SNTG1: variants seen among roughly 807,000 people sequenced by gnomAD.
SNTG1 encodes syntrophin gamma 1.
Under a neutral mutation model 74.7 loss-of-function variants are expected in SNTG1, and 39 were observed. That is an observed-to-expected ratio of 0.52 (90% confidence interval 0.40 to 0.68). The LOEUF (loss-of-function observed/expected upper bound fraction) is 0.68, where lower values mean the gene tolerates loss of function less well. Ranked by LOEUF, SNTG1 falls within the 30% of genes least tolerant of loss-of-function variation. The pLI, the probability that SNTG1 is intolerant of heterozygous loss-of-function variation, is 0.00. For missense variants in SNTG1, 685 were observed against 609.5 expected (o/e 1.12, Z -1.30); for synonymous variants, 254 against 217.1 (o/e 1.17, Z -1.49).
At chr8:50,314,630 AT>A (rs2090245047) in intron 2 of SNTG1, among the ~76,000 whole-genome samples, 2 of 149,756 alleles carry the variant, frequency 1.3e-5, no homozygotes, top group South Asian at 4.4e-4. Flanking sequence ...ACTTTTTGCT[AT>A]TTCCTGAAAG....
At chr8:50,233,358 G>T (rs2085729696) in intron 2 of SNTG1, among the ~76,000 whole-genome samples, 1 of 151,242 alleles carries the variant, frequency 6.6e-6, no homozygotes, top group South Asian at 2.1e-4. Flanking sequence ...GATATCAACA[G>T]GTAAAAGTAA....
At chr8:50,051,906 G>C (rs1267928012) in intron 1 of SNTG1, among the ~76,000 whole-genome samples, 1 of 151,958 alleles carries the variant, frequency 6.6e-6, no homozygotes, top group East Asian at 1.9e-4. Context: ...AGATACTTTT[G>C]AACAAAATTA....
chr8:50,455,532 T>C (rs2093497143), intron 8 of SNTG1, among the ~76,000 whole-genome samples: 1 of 152,192 alleles, frequency 6.6e-6, no homozygotes, highest in Non-Finnish European at 1.5e-5. Flanking sequence ...GACACCTTCA[T>C]ACAGTGAAAA....
intron 1 of SNTG1, among the ~76,000 whole-genome samples, chr8:50,053,372 G>A (rs1219694487): frequency 6.6e-6 from 1 of 152,000 alleles, no homozygotes; most frequent in African/African-American, 2.4e-5. Flanking sequence ...TATATGTAAT[G>A]TCCAGAATAA....
intron 1 of SNTG1, among the ~76,000 whole-genome samples, chr8:49,953,288 C>T (rs2129394360): frequency 6.6e-6 from 1 of 152,334 alleles, no homozygotes; most frequent in South Asian, 2.1e-4. Flanking sequence ...AGTAGACCAA[C>T]TCACAGAACT....
chr8:50,275,373 CT>C (rs2130347476), intron 2 of SNTG1, among the ~76,000 whole-genome samples: 2 of 152,024 alleles, frequency 1.3e-5, no homozygotes, highest in South Asian at 4.2e-4. Flanking sequence ...AAATCTTTGT[CT>C]TTTTTCTGCC....
At chr8:50,285,531 C>T (rs908151420) in intron 2 of SNTG1, among the ~76,000 whole-genome samples, 1 of 152,100 alleles carries the variant, frequency 6.6e-6, no homozygotes, top group Non-Finnish European at 1.5e-5. Context: ...TATCTTCTTT[C>T]TTAGGAAATA....
intron 1 of SNTG1, among the ~76,000 whole-genome samples, chr8:49,969,052 G>A (rs892818027): frequency 2.6e-5 from 4 of 152,182 alleles, no homozygotes; most frequent in African/African-American, 9.6e-5. Flanking sequence ...GGGAATTAGT[G>A]TGTAAAATGA....
chr8:50,492,071 T>A (rs1167252336), intron 8 of SNTG1, among the ~76,000 whole-genome samples: 1 of 152,190 alleles, frequency 6.6e-6, no homozygotes, highest in East Asian at 1.9e-4. Context: ...GAACTCATCC[T>A]TTTTTATGAC....
intron 1 of SNTG1, among the ~76,000 whole-genome samples, chr8:49,961,055 C>T (rs1810638008): frequency 6.6e-6 from 1 of 152,136 alleles, no homozygotes; most frequent in Non-Finnish European, 1.5e-5. Context: ...ATCCTAGATG[C>T]TGGCTTGGGC....
chr8:50,012,061 A>G (rs2130580698), intron 1 of SNTG1, among the ~76,000 whole-genome samples: 1 of 152,314 alleles, frequency 6.6e-6, no homozygotes, highest in South Asian at 2.1e-4. Context: ...GCCACATTAA[A>G]TATGTCTGTG....
At chr8:50,193,132 G>A (rs2083637974) in intron 2 of SNTG1, among the ~76,000 whole-genome samples, 1 of 151,896 alleles carries the variant, frequency 6.6e-6, no homozygotes, top group African/African-American at 2.4e-5. Flanking sequence ...GGCTGTGTGG[G>A]CTTGTTTTTG....
intron 18 of SNTG1, among the ~76,000 whole-genome samples, chr8:50,762,989 T>G (rs542884370): frequency 3.6e-4 from 54 of 152,050 alleles, no homozygotes; most frequent in Non-Finnish European, 6.9e-4. Flanking sequence ...GTGGAGACAC[T>G]GATAACTATG....
intron 8 of SNTG1, among the ~76,000 whole-genome samples, chr8:50,463,278 G>GT (rs1282203763): frequency 2.0e-5 from 3 of 151,964 alleles, no homozygotes; most frequent in Admixed American, 2.0e-4. Flanking sequence ...AAACAGAAAT[G>GT]TTTTTTTAAT....
intron 1 of SNTG1, among the ~76,000 whole-genome samples, chr8:50,063,820 T>C (rs1320563564): frequency 1.3e-5 from 2 of 152,198 alleles, no homozygotes; most frequent in African/African-American, 4.8e-5. Context: ...TAAACTTAAC[T>C]GTAGATTCAA....
intron 9 of SNTG1, among the ~76,000 whole-genome samples, chr8:50,514,307 T>C (rs2094112895): frequency 6.6e-6 from 1 of 152,152 alleles, no homozygotes; most frequent in Admixed American, 6.6e-5. Context: ...GGTTGCTGAT[T>C]TGAGGTTTTT....
At chr8:50,638,657 A>C (rs946581458) in intron 13 of SNTG1, among the ~76,000 whole-genome samples, 3 of 152,134 alleles carry the variant, frequency 2.0e-5, no homozygotes, top group African/African-American at 4.8e-5. Context: ...GGTATTCTTG[A>C]GAGTCTTCTT....
intron 2 of SNTG1, among the ~76,000 whole-genome samples, chr8:50,342,358 T>C (rs929818752): frequency 2.6e-5 from 4 of 152,162 alleles, no homozygotes; most frequent in African/African-American, 7.2e-5. Context: ...GACATCATCA[T>C]TGTGTTTTGC....
At chr8:49,954,360 A>G (rs1376322029) in intron 1 of SNTG1, among the ~76,000 whole-genome samples, 1 of 152,204 alleles carries the variant, frequency 6.6e-6, no homozygotes, top group Non-Finnish European at 1.5e-5. Context: ...AGTCACCAAC[A>G]GCTCTCCTTT....
Sources: allele counts gnomAD v4.1 joint callset (sites outside exome capture counted in the v4.1 genomes callset), GRCh38; gene constraint gnomAD v4.1.1; transcripts MANE v1.5; gene names NCBI Gene and HGNC (gene_info 2026-07-23, HGNC 2026-07-21).